Variants in ECHDC2 observed in about 807,000 individuals in gnomAD.
The protein encoded by ECHDC2 is enoyl-CoA hydratase domain-containing protein 2, mitochondrial.
A neutral mutation model predicts 40.6 loss-of-function variants in ECHDC2; 34 were observed. That is an observed-to-expected ratio of 0.84 (90% CI 0.64 to 1.11). The LOEUF (loss-of-function observed/expected upper bound fraction) is 1.11, where lower values mean the gene tolerates loss of function less well. Among genes scored for constraint, ECHDC2 ranks in the 50% most tolerant of loss-of-function variants. ECHDC2 has a pLI of 0.00. For missense variants in ECHDC2, 392 were observed against 400.7 expected, an observed-to-expected ratio of 0.98 and a Z score of 0.19; for synonymous variants, 162 against 166.6, an observed-to-expected ratio of 0.97 and a Z score of 0.21.
chr1:52,915,029 G>GC (rs1378704318), intron 1 of ECHDC2: 5 of 336,730 alleles, frequency 1.5e-5, no homozygotes, highest in Non-Finnish European at 3.0e-5. Context: ...CGACCATAAG[G>GC]CCCCCCCAAT....
chr1:52,909,555 AT>A (rs1253668963), intron 3 of ECHDC2, among the ~76,000 whole-genome samples: 1 of 151,948 alleles, frequency 6.6e-6, no homozygotes, highest in East Asian at 1.9e-4. Context: ...ACACAAAAAA[AT>A]CTTATAATGT....
intron 1 of ECHDC2, chr1:52,915,128 C>T (rs1419212959): frequency 2.3e-6 from 1 of 437,174 alleles, no homozygotes; most frequent in Non-Finnish European, 4.6e-6. Context: ...AAGGAGCTCA[C>T]ACCCTTATCA....
intron 7 of ECHDC2, chr1:52,899,426 C>T (rs1646848352): frequency 5.0e-6 from 3 of 595,848 alleles, no homozygotes; most frequent in Non-Finnish European, 9.0e-6. Context: ...AGACTCTGAT[C>T]CCTGAACACC....
chr1:52,906,764 C>CTTTT (rs1224675333), intron 4 of ECHDC2, among the ~76,000 whole-genome samples, 153 bp from the exon 5 acceptor site: 1 of 131,156 alleles, frequency 7.6e-6, no homozygotes, highest in Non-Finnish European at 1.6e-5. Flanking sequence ...TATCTTAATT[C>CTTTT]TTTTTTTTTT....
chr1:52,913,191 T>G (rs1649948252), intron 1 of ECHDC2: 1 of 152,208 alleles, frequency 6.6e-6, no homozygotes, highest in African/African-American at 2.4e-5. Flanking sequence ...TTTTGCTAAC[T>G]GCACAATCAC....
intron 1 of ECHDC2, chr1:52,912,850 C>G (rs529960766): frequency 2.0e-5 from 3 of 152,126 alleles, no homozygotes; most frequent in East Asian, 3.9e-4. Context: ...CCACGCCCGG[C>G]TAATTTTGTA....
intron 5 of ECHDC2, chr1:52,905,907 T>C (rs1309372306): frequency 4.8e-6 from 1 of 209,624 alleles, no homozygotes; most frequent in Non-Finnish European, 9.6e-6. Context: ...CACATTTTTA[T>C]ATGTTGCTCC....
At position 52,913,886 on chromosome 1, in the gene ECHDC2, T is replaced by C. The variant is rs999496194; in HGVS notation, c.122-2096A>G. The stretch of plus-strand genomic sequence containing the variant: ...GGCTTTGGCAGGCCCCCATTCTCCT[T>C]CCTCCTACCTTTCAGGTGATGCCTC... On this transcript the variant is annotated intron_variant, in intron 1 of 9. Coordinates refer to ENST00000371522, the MANE Select transcript of ECHDC2 (RefSeq NM_001198961.2). 1.2e-4 allele frequency: 132 copies of C among 1,130,236 alleles called. No homozygotes were observed. The African/African-American group carries it at 1.9e-3, about 17-fold the overall frequency. The allele number at this position is 1,130,236 out of a possible 1,614,324, so 70.0% of individuals were successfully genotyped here. A position where few individuals can be genotyped will look rare whatever the true frequency, so the allele number is the denominator to read the frequency against.
At chr1:52,917,889 A>C (rs1353769173) in intron 1 of ECHDC2, among the ~76,000 whole-genome samples, 1 of 152,206 alleles carries the variant, frequency 6.6e-6, no homozygotes, top group Non-Finnish European at 1.5e-5. Context: ...AATACTTGAT[A>C]ATGATAATAA....
chr1:52,908,977 T>C (rs1271488496), intron 3 of ECHDC2, among the ~76,000 whole-genome samples: 3 of 148,252 alleles, frequency 2.0e-5, no homozygotes, highest in African/African-American at 2.5e-5. Context: ...TGAATAGACA[T>C]TTCTCCTGAG....
At position 52,899,094 on chromosome 1, in the gene ECHDC2, G is replaced by GCTGT. The variant is rs549354250; in HGVS notation, c.753+76_753+79dup. 2,188 of 1,427,224 alleles carry GCTGT rather than the reference G, an allele frequency of 1.5e-3. 24 individuals carry two copies. The African/African-American group carries it at 0.027, about 17-fold the overall frequency. The allele number at this position is 1,427,224 out of a possible 1,614,324, so 88.4% of individuals were successfully genotyped here. On this transcript the variant is annotated intron_variant, in intron 8 of 9. Coordinates refer to ENST00000371522, the MANE Select transcript of ECHDC2 (RefSeq NM_001198961.2). ...CACTTCCTGAGTTTTTCCCAGCTGT[G>GCTGT]CTGTCTGAGCTCTGAAAGCACTGTG...
At chr1:52,901,728 C>T (rs1193989522) in intron 7 of ECHDC2, 2 of 152,128 alleles carry the variant, frequency 1.3e-5, no homozygotes, top group Admixed American at 6.5e-5. Flanking sequence ...TTTTGGTAGA[C>T]TGGTGTTTTG....
chr1:52,907,134 G>C (rs1206481581), intron 4 of ECHDC2: 2 of 132,488 alleles, frequency 1.5e-5, no homozygotes, highest in Non-Finnish European at 3.1e-5. Flanking sequence ...TCTCGCTGTT[G>C]TTGCCCAGGC....
At chr1:52,913,810 G>A (rs577422415) in intron 1 of ECHDC2, 2 of 570,054 alleles carry the variant, frequency 3.5e-6, no homozygotes, top group Admixed American at 5.1e-5. Flanking sequence ...CGCTCTTGGT[G>A]GTGTACACTC....
intron 1 of ECHDC2, among the ~76,000 whole-genome samples, chr1:52,919,620 A>G (rs12094972): frequency 0.052 from 7,883 of 152,354 alleles, 720 homozygotes; most frequent in African/African-American, 0.18. Context: ...ACAGTGAAGA[A>G]TGGTTTACCA....
chr1:52,919,798 T>C (rs933752595), intron 1 of ECHDC2, among the ~76,000 whole-genome samples: 1 of 152,242 alleles, frequency 6.6e-6, no homozygotes, highest in Non-Finnish European at 1.5e-5. Flanking sequence ...CTCTGCACTG[T>C]CATCTTGGTT....
intron 1 of ECHDC2, chr1:52,915,421 T>C (rs1195082078): frequency 4.4e-6 from 2 of 451,982 alleles, no homozygotes; most frequent in Admixed American, 2.4e-5. Flanking sequence ...GAACTATGGC[T>C]AGGGGCAAAG....
intron 3 of ECHDC2, 36 bp downstream of exon 3, chr1:52,911,530 T>C (rs1460879959): frequency 1.2e-6 from 2 of 1,606,132 alleles, no homozygotes. Flanking sequence ...GTGGGCACCC[T>C]GCAGAGCACA....
chr1:52,921,729 C>G lies in ECHDC2; in HGVS notation c.-56G>C, dbSNP rs1481951432. The G allele has an allele frequency of 2.1e-5, 30 of 1,426,292 alleles. No individual in the cohort carries two copies. Among genetic ancestry groups the G allele is most frequent in the Non-Finnish European group, 2.6e-5 (28 of 1,093,102 alleles). The allele number at this position is 1,426,292 out of a possible 1,614,324, so 88.4% of individuals were successfully genotyped here. A position where few individuals can be genotyped will look rare whatever the true frequency, so the allele number is the denominator to read the frequency against. On this transcript the variant is annotated 5_prime_UTR_variant, in exon 1 of 10. Coordinates refer to ENST00000371522, the MANE Select transcript of ECHDC2 (RefSeq NM_001198961.2). ...TCCGGCCCTGCACCGTCTCGGCTCC[C>G]GCTGAGAGCTCGCAGTTCCGGCGTC...
Sources: gnomAD v4.1 joint callset for allele counts (sites outside exome capture counted in the v4.1 genomes callset) on GRCh38, gnomAD v4.1.1 for gene constraint, MANE v1.5 for transcripts, NCBI Gene and HGNC (gene_info 2026-07-23, HGNC 2026-07-21) for gene names.